Variants in MASP1 observed in about 807,000 individuals in gnomAD.
The protein encoded by MASP1 is MBL associated serine protease 1, also known as mannan-binding lectin serine protease 1.
A neutral mutation model predicts 77.1 loss-of-function variants in MASP1; 59 were observed. That is an observed-to-expected ratio of 0.77 (90% CI 0.62 to 0.95). The LOEUF (loss-of-function observed/expected upper bound fraction) is 0.95, where lower values mean the gene tolerates loss of function less well. Among genes scored for constraint, MASP1 ranks in the 40% least tolerant of loss-of-function variants. MASP1 has a pLI of 0.00. For missense variants in MASP1, 885 were observed against 912.9 expected, an observed-to-expected ratio of 0.97 and a Z score of 0.39; for synonymous variants, 362 against 354.5, an observed-to-expected ratio of 1.02 and a Z score of -0.24.
At chr3:187,283,335 C>A (rs954672642) in intron 2 of MASP1, among the ~76,000 whole-genome samples, 1 of 152,154 alleles carries the variant, frequency 6.6e-6, no homozygotes, top group African/African-American at 2.4e-5. Flanking sequence ...CATTTTTTCC[C>A]ATTAACAAAA....
intron 6 of MASP1, 51 bp from the exon 7 acceptor site, chr3:187,251,803 C>T (rs1369879224): frequency 1.4e-6 from 2 of 1,382,518 alleles, no homozygotes; most frequent in Admixed American, 1.7e-5. Context: ...GAATTCTGAC[C>T]TTAAAGGGCC....
chr3:187,220,623 G>A (rs529870747), intron 15 of MASP1, among the ~76,000 whole-genome samples: 2 of 149,188 alleles, frequency 1.3e-5, no homozygotes, highest in East Asian at 2.0e-4. Context: ...TCAGCCTCCC[G>A]AGTAGCTGGG....
intron 1 of MASP1, 113 bp from the exon 2 acceptor site, chr3:187,286,169 G>A (rs531805941): frequency 2.6e-5 from 22 of 847,666 alleles, no homozygotes; most frequent in African/African-American, 1.0e-4. Context: ...CTGGCCTGCC[G>A]TAATTAGCTT....
intron 2 of MASP1, among the ~76,000 whole-genome samples, chr3:187,277,482 A>G (rs1414540564): frequency 6.6e-6 from 1 of 152,244 alleles, no homozygotes; most frequent in African/African-American, 2.4e-5. Flanking sequence ...AAAATAATCT[A>G]GACAATATAG....
intron 5 of MASP1, among the ~76,000 whole-genome samples, chr3:187,255,698 T>C (rs778601271): frequency 2.6e-5 from 4 of 152,246 alleles, no homozygotes; most frequent in Non-Finnish European, 5.9e-5. Flanking sequence ...TTCTTCTGTG[T>C]CCTCTCAGGC....
intron 6 of MASP1, 89 bp from the exon 7 acceptor site, chr3:187,251,841 G>A (rs768062407): frequency 1.0e-6 from 1 of 998,912 alleles, no homozygotes; most frequent in Non-Finnish European, 1.6e-6. Flanking sequence ...GCCTGATGAA[G>A]GTGAATAAAA....
chr3:187,264,387 C>A (rs1225227632), intron 2 of MASP1, among the ~76,000 whole-genome samples: 2 of 152,068 alleles, frequency 1.3e-5, no homozygotes, highest in African/African-American at 4.8e-5. Context: ...AACCTCCCAG[C>A]TGCTGTGTTA....
At chr3:187,226,608 G>C in intron 11 of MASP1, 1 of 897,618 alleles carries the variant, frequency 1.1e-6, no homozygotes, top group Non-Finnish European at 1.8e-6. Flanking sequence ...GGCTACTCCA[G>C]AGGACCCCTC....
chr3:187,282,059 A>G (rs1280572248), intron 2 of MASP1, among the ~76,000 whole-genome samples: 1 of 152,098 alleles, frequency 6.6e-6, no homozygotes, highest in East Asian at 1.9e-4. Context: ...CTTCTGTCCA[A>G]TAGGAATGTG....
Position 187,260,784 on chromosome 3 carries a change from G to A in MASP1, c.504C>T (p.Cys168=), listed in dbSNP as rs1715503464. The A allele has an allele frequency of 6.2e-7, 1 of 1,613,956 alleles. No homozygotes were observed. The change falls in exon 4 of 11, where the codon TGC becomes TGT. Residue 168 remains cysteine, a synonymous_variant. Coordinates refer to ENST00000296280, the MANE Select transcript of MASP1 (RefSeq NM_139125.4). ...CTGTGTGGAGGATGTAGCCGAAGCG[G>A]CAGGAGCAGTAGTAGCCGCCAATGT... ...HNYIGGYYCS[C]RFGYILHTDN...
At chr3:187,247,031 C>A in intron 8 of MASP1, 1 of 1,303,424 alleles carries the variant, frequency 7.7e-7, no homozygotes, top group East Asian at 3.5e-5. Context: ...GGACCAAGGG[C>A]ATTTTTTTTT....
chr3:187,229,755 C>T, downstream of MASP1: 11 of 1,614,058 alleles, frequency 6.8e-6, no homozygotes, highest in Non-Finnish European at 9.3e-6. Flanking sequence ...CCACCTTCTC[C>T]CTACCTAGAA....
intron 2 of MASP1, among the ~76,000 whole-genome samples, chr3:187,272,331 T>C (rs1180411759): frequency 6.6e-6 from 1 of 152,220 alleles, no homozygotes; most frequent in African/African-American, 2.4e-5. Context: ...CCTTACTTAT[T>C]GGGGCATCTC....
chr3:187,234,434 T>A lies in MASP1; in HGVS notation c.*1250A>T, dbSNP rs72549175. 223 of 1,286,584 alleles carry A rather than the reference T, an allele frequency of 1.7e-4. 2 individuals carry two copies. In the African/African-American group the frequency reaches 2.0e-3, roughly 12 times the overall value. The allele number at this position is 1,286,584 out of a possible 1,614,324, so 79.7% of individuals were successfully genotyped here. A position where few individuals can be genotyped will look rare whatever the true frequency, so the allele number is the denominator to read the frequency against. On this transcript the variant is annotated 3_prime_UTR_variant, in exon 11 of 11. Transcript: ENST00000296280. ...TAGAAGGAACCTGCAGGGGACCTTA[T>A]GCCAGCCTGTTGCTGACGGAGAACC...
chr3:187,241,676 A>G (rs548702015), intron 9 of MASP1, 121 bp from the exon 10 acceptor site: 3 of 722,000 alleles, frequency 4.2e-6, no homozygotes, highest in East Asian at 2.7e-5. Context: ...CCAAATGGTC[A>G]TCTAGGCTCA....
At chr3:187,291,023 T>G (rs1037057493) in intron 1 of MASP1, among the ~76,000 whole-genome samples, 1 of 151,996 alleles carries the variant, frequency 6.6e-6, no homozygotes, top group Non-Finnish European at 1.5e-5. Flanking sequence ...AGCCATTTGG[T>G]GTACTTCATA....
In MASP1 at chr3:187,253,212, T is replaced by C. The variant is rs763588998; in HGVS notation, c.848A>G (p.Asn283Ser). Residue 283 changes from asparagine to serine, a missense_variant, in exon 6 of 11, where the codon AAC (asparagine) becomes AGC (serine). Physicochemically the swap from Asn to Ser is conservative, Grantham distance 46. Transcript: ENST00000296280. ...CCTCCAGCCCCGGTTCTCTCCCGAGTTGTCACTATGGAACAGGATCAGGAC... is the reference window on the plus strand; with the variant it reads ...CCTCCAGCCCCGGTTCTCTCCCGAGCTGTCACTATGGAACAGGATCAGGAC... Reference protein sequence around the residue: ...HSVLILFHSDNSGENRGWRLS... With the variant: ...HSVLILFHSDSSGENRGWRLS... 1 of 1,614,078 alleles carries C rather than the reference T, an allele frequency of 6.2e-7. No individual in the cohort carries two copies. Among genetic ancestry groups the C allele is most frequent in the South Asian group, 1.1e-5 (1 of 91,076 alleles).
chr3:187,242,023 G>A lies in MASP1; in HGVS notation c.1229-468C>T, dbSNP rs143407218. The A allele has an allele frequency of 1.2e-3, 215 of 178,754 alleles. 1 individual carries two copies. The highest frequency in any genetic ancestry group is 4.6e-3 in the African/African-American group (195 of 42,194). The allele number at this position is 178,754 out of a possible 1,614,324, so 11.1% of individuals were successfully genotyped here. A position where few individuals can be genotyped will look rare whatever the true frequency, so the allele number is the denominator to read the frequency against. On this transcript the variant is annotated intron_variant, in intron 9 of 10. Coordinates refer to ENST00000296280, the MANE Select transcript of MASP1 (RefSeq NM_139125.4). ...AGGGCTGCTCCCCTCCCCACCCCAC[G>A]CTGCCCAGGTCCTGGAAGGCACCTC... is the stretch of plus-strand genomic sequence containing the variant.
chr3:187,221,780 A>G (rs1712074655), intron 14 of MASP1, among the ~76,000 whole-genome samples: 1 of 152,204 alleles, frequency 6.6e-6, no homozygotes, highest in African/African-American at 2.4e-5. Context: ...ATGCATTTCT[A>G]TCTTACATTG....
Sources: allele counts gnomAD v4.1 joint callset (sites outside exome capture counted in the v4.1 genomes callset), GRCh38; gene constraint gnomAD v4.1.1; transcripts MANE v1.5; gene names NCBI Gene and HGNC (gene_info 2026-07-23, HGNC 2026-07-21).